Variants in CHN2 observed in about 807,000 individuals in gnomAD.
The protein encoded by CHN2 is beta-chimaerin.
A neutral mutation model predicts 56.3 loss-of-function variants in CHN2; 35 were observed. That is an observed-to-expected ratio of 0.62 (90% CI 0.47 to 0.82). The LOEUF is 0.82. Among genes scored for constraint, CHN2 ranks in the 40% least tolerant of loss-of-function variants. The probability of loss-of-function intolerance (pLI) is 0.00; values close to 1 mark genes in which losing one functional copy is unlikely to be tolerated. For missense variants in CHN2, 491 were observed against 580.5 expected (o/e 0.85, Z 1.58); for synonymous variants, 210 against 212.8 (o/e 0.99, Z 0.12).
chr7:29,499,784 A>G (rs1789741494), intron 8 of CHN2, 83 bp from the exon 9 acceptor site: 1 of 1,316,606 alleles, frequency 7.6e-7, no homozygotes, highest in African/African-American at 1.5e-5. Context: ...GGGTGGTGAT[A>G]TTTTTATTTT....
chr7:29,210,187 G>T (rs758634088), intron 1 of CHN2, among the ~76,000 whole-genome samples: 5 of 152,146 alleles, frequency 3.3e-5, no homozygotes, highest in Admixed American at 1.3e-4. Flanking sequence ...GTGTAAATCA[G>T]TTACACTCAC....
At chr7:29,312,348 T>A (rs577606429) in intron 1 of CHN2, among the ~76,000 whole-genome samples, 1 of 152,306 alleles carries the variant, frequency 6.6e-6, no homozygotes, top group South Asian at 2.1e-4. Context: ...CCCTGAACCT[T>A]GCCAAATATG....
intron 1 of CHN2, among the ~76,000 whole-genome samples, chr7:29,258,611 G>A (rs775323606): frequency 7.9e-5 from 12 of 152,292 alleles, no homozygotes; most frequent in Non-Finnish European, 1.5e-4. Context: ...ACACTTCTGA[G>A]TAGTGAAATG....
chr7:29,195,629 A>AGAGTGTGTGT (rs869037854), intron 1 of CHN2, among the ~76,000 whole-genome samples: 12 of 117,576 alleles, frequency 1.0e-4, no homozygotes, highest in Admixed American at 4.7e-4. Context: ...AGAGAGAGAG[A>AGAGTGTGTGT]GTGTGTGTGT....
At chr7:29,299,797 TG>T (rs546492755) in intron 1 of CHN2, among the ~76,000 whole-genome samples, 61 of 152,204 alleles carry the variant, frequency 4.0e-4, no homozygotes, top group African/African-American at 1.4e-3. Context: ...AAATAACTGA[TG>T]ATGTAGAAAG....
chr7:29,406,111 C>T (rs1802630941), intron 6 of CHN2, among the ~76,000 whole-genome samples: 1 of 152,188 alleles, frequency 6.6e-6, no homozygotes, highest in Non-Finnish European at 1.5e-5. Flanking sequence ...TGCAACAGCT[C>T]TTATTTGCTT....
At chr7:29,409,438 A>G (rs1485492066) in intron 6 of CHN2, among the ~76,000 whole-genome samples, 4 of 152,228 alleles carry the variant, frequency 2.6e-5, no homozygotes, top group Non-Finnish European at 4.4e-5. Context: ...TTTCCAAATA[A>G]AAAAGTGATG....
In CHN2 at chr7:29,354,529, G is replaced by A. The variant is rs1798136498; in HGVS notation, c.50-96G>A. The A allele has an allele frequency of 3.5e-5, 38 of 1,080,798 alleles. 1 individual carries two copies. In the South Asian group the frequency reaches 4.6e-4, roughly 13 times the overall value. 67.0% of individuals were successfully genotyped at this position (1,080,798 alleles called of 1,614,324 possible). On this transcript the variant is annotated intron_variant, in intron 1 of 12. Coordinates refer to ENST00000222792, the MANE Select transcript of CHN2 (RefSeq NM_004067.4). ...GAGTCCCCCTGAGACCCGCATGCAA[G>A]TACTGTGGACAGACTGTTGTTCCTC...
chr7:29,510,047 C>T (rs1352249092), intron 12 of CHN2, among the ~76,000 whole-genome samples: 1 of 152,080 alleles, frequency 6.6e-6, no homozygotes, highest in East Asian at 1.9e-4. Flanking sequence ...GTGTCCTGTT[C>T]ATCCCCCTGT....
intron 12 of CHN2, among the ~76,000 whole-genome samples, chr7:29,510,533 G>C (rs1791185890): frequency 6.6e-6 from 1 of 152,196 alleles, no homozygotes; most frequent in Non-Finnish European, 1.5e-5. Flanking sequence ...GTTCCTTAAA[G>C]GCTGTTGGAC....
chr7:29,509,562 G>A (rs1320675739), intron 12 of CHN2, 156 bp downstream of exon 12: 6 of 590,064 alleles, frequency 1.0e-5, no homozygotes, highest in Non-Finnish European at 1.2e-5. Flanking sequence ...CTATGAAAGG[G>A]GCGCCACTGT....
chr7:29,174,575 T>A (rs1381395168), intron 2 of CHN2, among the ~76,000 whole-genome samples: 1 of 152,088 alleles, frequency 6.6e-6, no homozygotes, highest in Non-Finnish European at 1.5e-5. Context: ...TAAACAATTT[T>A]GAGAGTCCAG....
chr7:29,376,898 C>A (rs910819073), intron 3 of CHN2, among the ~76,000 whole-genome samples: 1 of 152,090 alleles, frequency 6.6e-6, no homozygotes. Context: ...AGGGTGGGGT[C>A]AGTACTTGAT....
chr7:29,253,178 G>A (rs894113322), intron 1 of CHN2, among the ~76,000 whole-genome samples: 16 of 152,310 alleles, frequency 1.1e-4, no homozygotes, highest in Non-Finnish European at 2.2e-4. Context: ...GTGCTGAGTT[G>A]TGTCTTCAAG....
rs73305009 is a variant in CHN2, at chr7:29,343,965, C to T, written c.50-10660C>T. Among the ~76,000 whole-genome samples the T allele has an allele frequency of 5.2e-3, 798 of 152,346 alleles. 4 individuals are homozygous for T. Among genetic ancestry groups the T allele is most frequent in the African/African-American group, 0.018 (761 of 41,570 alleles). On this transcript the variant is annotated intron_variant, in intron 1 of 12. Coordinates refer to ENST00000222792, the MANE Select transcript of CHN2 (RefSeq NM_004067.4). ...GCCTTGCTGTCTGCCAGGCCTGCTT[C>T]TCCCCTGGTCTGCCCCTTTCTGTGA...
intron 2 of CHN2, among the ~76,000 whole-genome samples, chr7:29,182,877 A>G (rs73684608): frequency 3.3e-5 from 5 of 152,304 alleles, no homozygotes; most frequent in African/African-American, 1.2e-4. Flanking sequence ...GTGGAAAATC[A>G]TGACAGCCTG....
chr7:29,396,818 C>A, intron 4 of CHN2: 1 of 152,380 alleles, frequency 6.6e-6, no homozygotes, highest in Non-Finnish European at 1.5e-5. Context: ...CAACCTGGCT[C>A]AGGCTGCACA....
chr7:29,475,442 C>T (rs1786508413), intron 6 of CHN2, among the ~76,000 whole-genome samples: 1 of 152,144 alleles, frequency 6.6e-6, no homozygotes, highest in Non-Finnish European at 1.5e-5. Flanking sequence ...AGCATTCAAC[C>T]ACTGCATATT....
intron 1 of CHN2, among the ~76,000 whole-genome samples, chr7:29,306,004 G>A (rs1244997211): frequency 6.6e-6 from 1 of 151,946 alleles, no homozygotes; most frequent in Non-Finnish European, 1.5e-5. Flanking sequence ...TGCTGGAATG[G>A]TATAGCTAAA....
Sources: allele counts gnomAD v4.1 joint callset (sites outside exome capture counted in the v4.1 genomes callset), GRCh38; gene constraint gnomAD v4.1.1; transcripts MANE v1.5; gene names NCBI Gene and HGNC (gene_info 2026-07-23, HGNC 2026-07-21).